RNF11: variants seen among roughly 807,000 people sequenced by gnomAD.
RNF11 encodes the protein ring finger protein 11.
RNF11 carries 4 observed loss-of-function variants against 15.8 expected under a neutral mutation model. The ratio of observed to expected loss-of-function variants is 0.25; its 90% CI spans 0.12 to 0.58. The LOEUF is 0.58. Among genes scored for constraint, RNF11 ranks in the 20% least tolerant of loss-of-function variants. The pLI is 0.91. For missense variants in RNF11, 139 were observed against 194.4 expected, an observed-to-expected ratio of 0.71 and a Z score of 1.70; for synonymous variants, 68 against 72.3, an observed-to-expected ratio of 0.94 and a Z score of 0.30.
intron 1 of RNF11, among the ~76,000 whole-genome samples, chr1:51,258,461 G>A (rs1271914891): frequency 6.6e-6 from 1 of 152,246 alleles, no homozygotes; most frequent in African/African-American, 2.4e-5. Context: ...GCCTCTAGGA[G>A]TTCATTTCCA....
At chr1:51,264,475 A>G (rs1435419178) in intron 1 of RNF11, among the ~76,000 whole-genome samples, 2 of 151,672 alleles carry the variant, frequency 1.3e-5, no homozygotes, top group Admixed American at 6.6e-5. Flanking sequence ...ACATACATTG[A>G]GACCAACTAT....
chr1:51,249,874 T>A (rs1482380486), intron 1 of RNF11, among the ~76,000 whole-genome samples: 1 of 152,178 alleles, frequency 6.6e-6, no homozygotes, highest in African/African-American at 2.4e-5. Flanking sequence ...TACAGAAATT[T>A]TCAAAAATAA....
In RNF11 at chr1:51,272,928, T is replaced by C. The variant is rs1427370772; in HGVS notation, c.*1606T>C. 6.6e-6 allele frequency: 1 copy of C among 152,164 alleles called. No homozygotes were observed. The highest frequency in any genetic ancestry group is 2.4e-5 in the African/African-American group (1 of 41,452). 9.4% of individuals were successfully genotyped at this position (152,164 alleles called of 1,614,324 possible). ...AAAGATTTGACATTCAACTGTAGTA[T>C]CCATATGTTGCTTAAATTTCCTTAT... On this transcript the variant is annotated 3_prime_UTR_variant, in exon 3 of 3. Coordinates refer to ENST00000242719, the MANE Select transcript of RNF11 (RefSeq NM_014372.5).
intron 1 of RNF11, among the ~76,000 whole-genome samples, chr1:51,246,998 GA>G (rs1569658483): frequency 6.7e-6 from 1 of 148,670 alleles, no homozygotes; most frequent in Non-Finnish European, 1.5e-5. Context: ...AAAAAAAAAG[GA>G]AAAAATAATA....
chr1:51,240,446 T>C (rs938986410), intron 1 of RNF11, among the ~76,000 whole-genome samples: 1 of 151,808 alleles, frequency 6.6e-6, no homozygotes, highest in Non-Finnish European at 1.5e-5. Context: ...CTCACCCTGT[T>C]GTTTTCCCCC....
Position 51,271,586 on chromosome 1 carries a change from C to T in RNF11, c.*264C>T. 3.5e-6 allele frequency: 1 copy of T among 286,244 alleles called. No homozygotes were observed. Among genetic ancestry groups the T allele is most frequent in the Non-Finnish European group, 6.6e-6 (1 of 150,836 alleles). The allele number at this position is 286,244 out of a possible 1,614,324, so 17.7% of individuals were successfully genotyped here. A position where few individuals can be genotyped will look rare whatever the true frequency, so the allele number is the denominator to read the frequency against. On this transcript the variant is annotated 3_prime_UTR_variant, in exon 3 of 3. Coordinates refer to ENST00000242719, the MANE Select transcript of RNF11 (RefSeq NM_014372.5). ...TTTAGATCTTGTTATTGCTCCAGTA[C>T]ATAGGAATTGTGTAAAGTGTTAACA...
intron 1 of RNF11, among the ~76,000 whole-genome samples, chr1:51,239,862 A>G (rs1186888450): frequency 2.0e-5 from 3 of 152,258 alleles, no homozygotes; most frequent in Non-Finnish European, 2.9e-5. Context: ...TACAATGTAC[A>G]TATAATGACA....
At chr1:51,263,775 T>G (rs1015967260) in intron 1 of RNF11, among the ~76,000 whole-genome samples, 17 of 152,158 alleles carry the variant, frequency 1.1e-4, no homozygotes, top group African/African-American at 4.1e-4. Flanking sequence ...GAGTACACTT[T>G]CTTTTGGGGG....
chr1:51,248,453 C>T (rs1408020598), intron 1 of RNF11, among the ~76,000 whole-genome samples: 6 of 151,984 alleles, frequency 3.9e-5, no homozygotes, highest in South Asian at 2.1e-4. Context: ...CCGCTCGCCT[C>T]GGCCTCACAA....
chr1:51,246,442 G>T (rs552945863), intron 1 of RNF11, among the ~76,000 whole-genome samples: 1 of 152,144 alleles, frequency 6.6e-6, no homozygotes, highest in Non-Finnish European at 1.5e-5. Context: ...AGGTGTGTTG[G>T]CACATGCCTG....
At chr1:51,238,896 A>G (rs1432024289) in intron 1 of RNF11, among the ~76,000 whole-genome samples, 1 of 151,806 alleles carries the variant, frequency 6.6e-6, no homozygotes, top group Non-Finnish European at 1.5e-5. Context: ...CACCTAGCTA[A>G]TTTTTGTATT....
chr1:51,253,246 C>T (rs538602115), intron 1 of RNF11, among the ~76,000 whole-genome samples: 5 of 151,854 alleles, frequency 3.3e-5, no homozygotes, highest in East Asian at 3.9e-4. Context: ...AAAATAAGGC[C>T]GGGCACAGGG....
chr1:51,250,970 C>T, intron 1 of RNF11: 5 of 1,349,972 alleles, frequency 3.7e-6, no homozygotes, highest in Middle Eastern at 2.4e-4. Flanking sequence ...TCTTGTTCCC[C>T]CAGTAGCCTC....
chr1:51,242,325 CTTTT>C (rs57821900), intron 1 of RNF11, among the ~76,000 whole-genome samples: 1 of 131,132 alleles, frequency 7.6e-6, no homozygotes, highest in Non-Finnish European at 1.6e-5. Context: ...TTCAAGATAC[CTTTT>C]TTTTTTTTTT....
chr1:51,244,990 GT>G (rs1308602990), intron 1 of RNF11, among the ~76,000 whole-genome samples: 2 of 151,564 alleles, frequency 1.3e-5, no homozygotes, highest in Non-Finnish European at 2.9e-5. Flanking sequence ...TATTTTTTAG[GT>G]AATAGTAGAA....
intron 1 of RNF11, among the ~76,000 whole-genome samples, chr1:51,264,290 ATATATATATAT>A (rs1646944807): frequency 1.5e-5 from 1 of 67,218 alleles, no homozygotes; most frequent in Non-Finnish European, 2.7e-5. Flanking sequence ...AAAAAAAAAT[ATATATATATAT>A]ATATATATAT....
intron 1 of RNF11, among the ~76,000 whole-genome samples, chr1:51,252,035 C>T (rs559305844): frequency 6.7e-6 from 1 of 148,226 alleles, no homozygotes; most frequent in South Asian, 2.2e-4. Flanking sequence ...CAAGATCATG[C>T]CACTGCACTC....
chr1:51,254,548 C>G (rs1202828016), intron 1 of RNF11, among the ~76,000 whole-genome samples: 1 of 151,988 alleles, frequency 6.6e-6, no homozygotes, highest in Non-Finnish European at 1.5e-5. Context: ...CAAGCTCCAT[C>G]CCCTGGGTTC....
intron 1 of RNF11, chr1:51,251,305 C>G: frequency 6.6e-7 from 1 of 1,504,786 alleles, no homozygotes; most frequent in Non-Finnish European, 9.1e-7. Flanking sequence ...GGCATCCACT[C>G]CTTATCCTCG....
Sources: allele counts gnomAD v4.1 joint callset (sites outside exome capture counted in the v4.1 genomes callset), GRCh38; gene constraint gnomAD v4.1.1; transcripts MANE v1.5; gene names NCBI Gene and HGNC (gene_info 2026-07-23, HGNC 2026-07-21).